Variants in ZNF616 observed in about 807,000 individuals in gnomAD.
ZNF616 encodes the protein zinc finger protein 616.
ZNF616 carries 5 observed loss-of-function variants against 7.6 expected under a neutral mutation model. The ratio of observed to expected loss-of-function variants is 0.66; its 90% confidence interval spans 0.34 to 1.38. ZNF616 has a LOEUF of 1.38. ZNF616 is among the 40% of genes most tolerant of loss of function. The pLI, the probability that ZNF616 is intolerant of heterozygous loss-of-function variation, is 0.04. For synonymous variants in ZNF616, 319 were observed against 317.2 expected (o/e 1.01, Z -0.06); for missense variants, 913 against 948.3 (o/e 0.96, Z 0.49).
intron 2 of ZNF616, among the ~76,000 whole-genome samples, chr19:52,127,903 T>C (rs146828912): frequency 2.4e-4 from 37 of 152,324 alleles, no homozygotes; most frequent in Non-Finnish European, 3.1e-4. Context: ...AAGAATTGTT[T>C]TCTAAAATCT....
chr19:52,123,215 C>G (rs914298260), intron 3 of ZNF616, among the ~76,000 whole-genome samples: 1 of 152,082 alleles, frequency 6.6e-6, no homozygotes, highest in Admixed American at 6.6e-5. Context: ...AGTTCATTTA[C>G]AATACATGAA....
In ZNF616 at chr19:52,115,965, C is replaced by T. The variant is rs750530315; in HGVS notation, c.1199G>A (p.Arg400Gln). 33 of 1,613,654 alleles carry T rather than the reference C, an allele frequency of 2.0e-5. No homozygotes were observed. In the Middle Eastern group the frequency reaches 4.9e-4, roughly 24 times the overall value. Residue 400 changes from arginine (R) to glutamine (Q), a missense_variant, in exon 4 of 4, where the codon CGA (arginine) becomes CAA (glutamine). Transcript: ENST00000600228. ...FSKRSSLAVH[R>Q]RIHTVEKPCK... is the part of the protein sequence containing the mutation. ...AGGTTTCTCTACAGTGTGAATTCGTCGATGCACTGCAAGACTTGAACGTTT... is the reference window on the plus strand; with the variant it reads ...AGGTTTCTCTACAGTGTGAATTCGTTGATGCACTGCAAGACTTGAACGTTT...
chr19:52,126,364 C>A (rs933784871), intron 2 of ZNF616, among the ~76,000 whole-genome samples: 1 of 152,064 alleles, frequency 6.6e-6, no homozygotes, highest in Non-Finnish European at 1.5e-5. Flanking sequence ...CCCATCTCTA[C>A]TAAAAATACA....
rs543362755 is a variant in ZNF616, at chr19:52,132,510, T to C, written c.-76-1922A>G. Among the ~76,000 whole-genome samples, 6 of 152,120 alleles carry C rather than the reference T, an allele frequency of 3.9e-5. No individual in the cohort carries two copies. In the East Asian group the frequency reaches 5.8e-4, roughly 15 times the overall value. On this transcript the variant is annotated intron_variant, in intron 1 of 3. Coordinates refer to ENST00000600228, the MANE Select transcript of ZNF616 (RefSeq NM_178523.5). ...GGCCTGGTGGGAGGTGGATGGATCA[T>C]GGGGGTGGATTTGTGATGAATGGTT... is the stretch of plus-strand genomic sequence containing the variant.
chr19:52,133,304 A>G (rs2088975861), intron 1 of ZNF616, among the ~76,000 whole-genome samples: 1 of 152,226 alleles, frequency 6.6e-6, no homozygotes, highest in Non-Finnish European at 1.5e-5. Flanking sequence ...GTGTGCATGC[A>G]TTTAATGGGC....
At position 52,130,994 on chromosome 19, in the gene ZNF616, A is replaced by T. The variant is rs191152377; in HGVS notation, c.-76-406T>A. Among the ~76,000 whole-genome samples the T allele has an allele frequency of 2.9e-4, 44 of 152,274 alleles. 1 individual carries two copies. Among genetic ancestry groups the T allele is most frequent in the Admixed American group, 7.2e-4 (11 of 15,300 alleles). ...AAATGAGAATCAACTTGGGGCTGGG[A>T]GCGGTGGCTCATGCCTGTAATCCCA... On this transcript the variant is annotated intron_variant, in intron 1 of 3. Transcript: ENST00000600228.
chr19:52,114,760 AT>A lies in ZNF616; in HGVS notation c.*57del. The A allele has an allele frequency of 6.6e-7, 1 of 1,513,066 alleles. No individual in the cohort carries two copies. Among genetic ancestry groups the A allele is most frequent in the Non-Finnish European group, 8.8e-7 (1 of 1,131,948 alleles). 93.7% of individuals were successfully genotyped at this position (1,513,066 alleles called of 1,614,324 possible). A position where few individuals can be genotyped will look rare whatever the true frequency, so the allele number is the denominator to read the frequency against. Reference sequence around the variant, plus strand: ...AGGGATTTCAAGAGAAGGGGTAAATATACAAGGTATATCAGTAAGTAGGAAT... The same window carrying A: ...AGGGATTTCAAGAGAAGGGGTAAATAACAAGGTATATCAGTAAGTAGGAAT... On this transcript the variant is annotated 3_prime_UTR_variant, in exon 4 of 4. Transcript: ENST00000600228.
chr19:52,121,494 T>A (rs1230302699), intron 3 of ZNF616, among the ~76,000 whole-genome samples: 2 of 151,980 alleles, frequency 1.3e-5, no homozygotes, highest in East Asian at 3.8e-4. Flanking sequence ...AAATAGAACA[T>A]GCCAAAACTT....
Position 52,114,716 on chromosome 19 carries a change from C to T in ZNF616, c.*102G>A, listed in dbSNP as rs2088799270. 2 of 1,369,568 alleles carry T rather than the reference C, an allele frequency of 1.5e-6. No individual in the cohort carries two copies. The highest frequency in any genetic ancestry group is 2.0e-6 in the Non-Finnish European group (2 of 1,014,060). The allele number at this position is 1,369,568 out of a possible 1,614,324, so 84.8% of individuals were successfully genotyped here. ...CTCCCAATGGGCCCCACCTCCAATA[C>T]TGGAGATTACAATTCCACAGGGATT... On this transcript the variant is annotated 3_prime_UTR_variant, in exon 4 of 4. Transcript: ENST00000600228.
intron 1 of ZNF616, among the ~76,000 whole-genome samples, chr19:52,133,529 G>T (rs1204711997): frequency 6.6e-6 from 1 of 152,082 alleles, no homozygotes; most frequent in Non-Finnish European, 1.5e-5. Context: ...GTTTTTGTGT[G>T]TGTGTGTGAG....
chr19:52,119,387 GA>G (rs1036535405), intron 3 of ZNF616, among the ~76,000 whole-genome samples: 2 of 151,088 alleles, frequency 1.3e-5, no homozygotes, highest in African/African-American at 4.9e-5. Context: ...AAAAAAAAAA[GA>G]AAAAAGAAAA....
At chr19:52,117,343 T>C (rs978459132) in intron 3 of ZNF616, among the ~76,000 whole-genome samples, 2 of 152,264 alleles carry the variant, frequency 1.3e-5, no homozygotes, top group East Asian at 1.9e-4. Flanking sequence ...TACGAACCGA[T>C]TGGCAGAAAA....
chr19:52,116,176 A>G lies in ZNF616; in HGVS notation c.988T>C (p.Cys330Arg), dbSNP rs1362690978. 2 of 1,614,036 alleles carry G rather than the reference A, an allele frequency of 1.2e-6. No individual in the cohort carries two copies. The highest frequency in any genetic ancestry group is 1.7e-6 in the Non-Finnish European group (2 of 1,180,030). ...TGERPFKCNECGKTFKRSSNL... is the reference protein window; with the variant it reads ...TGERPFKCNERGKTFKRSSNL... The stretch of plus-strand genomic sequence containing the variant: ...GAGCTCCGTTTAAAGGTTTTGCCAC[A>G]CTCATTACATTTGAAGGGTCTCTCT... Residue 330 changes from cysteine (C) to arginine (R), a missense_variant, in exon 4 of 4, where the codon TGT (cysteine) becomes CGT (arginine). Cys to Arg is a radical substitution (Grantham distance 180). Transcript: ENST00000600228.
At chr19:52,132,556 G>A (rs1233539264) in intron 1 of ZNF616, among the ~76,000 whole-genome samples, 1 of 152,144 alleles carries the variant, frequency 6.6e-6, no homozygotes, top group African/African-American at 2.4e-5. Flanking sequence ...CCTTGGTGCT[G>A]TTCTTTATCA....
At position 52,124,026 on chromosome 19, in the gene ZNF616, T is replaced by C; in HGVS notation, c.36A>G (p.Val12=). 2 of 1,609,640 alleles carry C rather than the reference T, an allele frequency of 1.2e-6. No individual in the cohort carries two copies. The highest frequency in any genetic ancestry group is 1.7e-6 in the Non-Finnish European group (2 of 1,178,852). ...ATQGHLTFKD[V]AIEFSQEEWK... is the part of the protein sequence containing the mutation. ...ACTCCTCCTGAGAGAATTCTATGGC[T>C]ACATCCTTGAATGTCAAATGCCCCT... Residue 12 remains valine (V), a synonymous_variant, in exon 3 of 4, where the codon GTA becomes GTG. Coordinates refer to ENST00000600228, the MANE Select transcript of ZNF616 (RefSeq NM_178523.5).
chr19:52,120,425 GGA>G, intron 3 of ZNF616, among the ~76,000 whole-genome samples: 1 of 152,272 alleles, frequency 6.6e-6, no homozygotes, highest in South Asian at 2.1e-4. Flanking sequence ...AAGAGATATA[GGA>G]AACATTCAGC....
Position 52,116,633 on chromosome 19 carries a change from A to T in ZNF616, c.531T>A (p.Ser177=), listed in dbSNP as rs1199311437. ...CATACGTTTTTTCCCTAATGTGTGG[A>T]GAAACTAAACAACCATTATTACCTG... is the stretch of plus-strand genomic sequence containing the variant. ...EKTGNNGCLV[S]PHIREKTYVC... Residue 177 remains serine (S), a synonymous_variant, in exon 4 of 4, where the codon TCT becomes TCA. Transcript: ENST00000600228. The T allele has an allele frequency of 6.2e-7, 1 of 1,613,994 alleles. No individual in the cohort carries two copies. Among genetic ancestry groups the T allele is most frequent in the Non-Finnish European group, 8.5e-7 (1 of 1,180,010 alleles).
Position 52,116,402 on chromosome 19 carries a change from T to G in ZNF616, c.762A>C (p.Ser254=). The G allele has an allele frequency of 1.2e-6, 2 of 1,614,142 alleles. No individual in the cohort carries two copies. The highest frequency in any genetic ancestry group is 1.7e-6 in the Non-Finnish European group (2 of 1,180,018). Reference sequence around the variant, plus strand: ...GACTCCTTTGGTGTCTTACAAAATATGAATTTTTTCTGAAGATCTTGCCAC... The same window carrying G: ...GACTCCTTTGGTGTCTTACAAAATAGGAATTTTTTCTGAAGATCTTGCCAC... The part of the protein sequence containing the change: ...DVCGKIFRKN[S]YFVRHQRSHT... Residue 254 remains serine (S), a synonymous_variant, in exon 4 of 4, where the codon TCA becomes TCC. Transcript: ENST00000600228.
chr19:52,124,022 T>C lies in ZNF616; in HGVS notation c.40A>G (p.Ile14Val). The C allele has an allele frequency of 1.2e-6, 2 of 1,610,410 alleles. No individual in the cohort carries two copies. Among genetic ancestry groups the C allele is most frequent in the Non-Finnish European group, 1.7e-6 (2 of 1,179,030 alleles). The change falls in exon 3 of 4, where the codon ATA (isoleucine) becomes GTA (valine). Residue 14 changes from isoleucine (I) to valine (V), a missense_variant. Transcript: ENST00000600228. ...QGHLTFKDVA[I>V]EFSQEEWKCL... ...TTCCACTCCTCCTGAGAGAATTCTA[T>C]GGCTACATCCTTGAATGTCAAATGC...
Sources: allele counts gnomAD v4.1 joint callset (sites outside exome capture counted in the v4.1 genomes callset), GRCh38; gene constraint gnomAD v4.1.1; transcripts MANE v1.5; gene names NCBI Gene and HGNC (gene_info 2026-07-23, HGNC 2026-07-21).